The following ARID3A variants were observed in gnomAD, a reference collection of about 807,000 sequenced individuals.
The protein encoded by ARID3A is AT-rich interaction domain 3A, also known as AT-rich interactive domain-containing protein 3A.
In ARID3A, 11 loss-of-function variants were observed where a neutral mutation model predicts 52.7. The observed-to-expected ratio is 0.21, with a 90% CI of 0.13 to 0.35. The LOEUF (loss-of-function observed/expected upper bound fraction) is 0.35. Among genes scored for constraint, ARID3A ranks in the 10% least tolerant of loss-of-function variants. The pLI, the probability that ARID3A is intolerant of heterozygous loss-of-function variation, is 1.00. For missense variants in ARID3A, 721 were observed against 838.5 expected, an observed-to-expected ratio of 0.86 and a Z score of 1.73; for synonymous variants, 404 against 359.4, an observed-to-expected ratio of 1.12 and a Z score of -1.40.
At chr19:965,735 T>TA (rs1410948185) in intron 6 of ARID3A, among the ~76,000 whole-genome samples, 1 of 152,016 alleles carries the variant, frequency 6.6e-6, no homozygotes, top group Non-Finnish European at 1.5e-5. Flanking sequence ...CTCACGCCTG[T>TA]AGTCCCAGCA....
Position 942,249 on chromosome 19 carries a change from G to A in ARID3A, c.693+9507G>A, listed in dbSNP as rs1243406298. ...CCTCAGTTTCCCTGCTGGACACAAA[G>A]GGCTGAAGTCCAGGTCCCTTCGATG... is the stretch of plus-strand genomic sequence containing the variant. On this transcript the variant is annotated intron_variant, in intron 3 of 8. Transcript: ENST00000263620. This position sits in a 1 kb window ranked among gnomAD's most constrained non-coding sequence, Gnocchi z 8.1. 1.3e-5 allele frequency among the ~76,000 whole-genome samples: 2 copies of A among 152,166 alleles called. No individual in the cohort carries two copies. The highest frequency in any genetic ancestry group is 2.4e-5 in the African/African-American group (1 of 41,452).
At position 931,379 on chromosome 19, in the gene ARID3A, G is replaced by A. The variant is rs1265619824; in HGVS notation, c.369-1039G>A. On this transcript the variant is annotated intron_variant, in intron 2 of 8. Transcript: ENST00000263620. ...GAGGAGGAGAATCGCTTGAACCTGG[G>A]AGGCAGAGGTTGCAGTGAGCCGAGA... 2.7e-5 allele frequency among the ~76,000 whole-genome samples: 4 copies of A among 148,714 alleles called. No individual in the cohort carries two copies. The South Asian group carries it at 6.4e-4, about 24-fold the overall frequency.
At position 975,346 on chromosome 19, in the gene ARID3A, C is replaced by T. The variant is rs1052114104; in HGVS notation, c.*3281C>T. The stretch of plus-strand genomic sequence containing the variant: ...ACCCGTAAGTGGCTGTCCAGAAAGG[C>T]GGGAGGGTGGGCACGGGGCACGGGG... On this transcript the variant is annotated 3_prime_UTR_variant, in exon 9 of 9. Transcript: ENST00000263620. The T allele has an allele frequency of 1.7e-4, 24 of 142,178 alleles. No homozygotes were observed. Among genetic ancestry groups the T allele is most frequent in the African/African-American group, 2.3e-4 (9 of 39,466 alleles). The allele number at this position is 142,178 out of a possible 1,614,324, so 8.8% of individuals were successfully genotyped here.
At position 964,517 on chromosome 19, in the gene ARID3A, T is replaced by C. The variant is rs1009556588; in HGVS notation, c.950+86T>C. ...GGCCTGCAGAAGAGGGAGGGGGTGG[T>C]GGGCAGCTGCAGAGGAGGGGGCAGT... On this transcript the variant is annotated intron_variant, in intron 5 of 8. Coordinates refer to ENST00000263620, the MANE Select transcript of ARID3A (RefSeq NM_005224.3). The surrounding 1 kb of genome is among the most constrained non-coding windows in gnomAD (Gnocchi z 5.7). 6.2e-6 allele frequency: 9 copies of C among 1,452,942 alleles called. No individual in the cohort carries two copies. The highest frequency in any genetic ancestry group is 1.4e-5 in the African/African-American group (1 of 70,726). 90.0% of individuals were successfully genotyped at this position (1,452,942 alleles called of 1,614,324 possible). A position where few individuals can be genotyped will look rare whatever the true frequency, so the allele number is the denominator to read the frequency against.
intron 3 of ARID3A, among the ~76,000 whole-genome samples, chr19:946,077 G>T (rs928883176): frequency 8.5e-5 from 13 of 152,118 alleles, no homozygotes; most frequent in African/African-American, 2.9e-4. Flanking sequence ...GGGGCCCGGC[G>T]TCCAGGTGGG....
intron 1 of ARID3A, among the ~76,000 whole-genome samples, chr19:926,864 G>C (rs2037210916): frequency 6.6e-5 from 10 of 151,882 alleles, no homozygotes. Context: ...CCGTTTTTAG[G>C]CGCTCGGGCT....
At chr19:943,198 C>T (rs1049326909) in intron 3 of ARID3A, among the ~76,000 whole-genome samples, 5 of 149,878 alleles carry the variant, frequency 3.3e-5, no homozygotes, top group Non-Finnish European at 7.4e-5. Context: ...GAAGTCGAGG[C>T]TGTAGTGAGC....
rs1233612320 is a variant in ARID3A, at chr19:938,368, C to A, written c.693+5626C>A. 3.9e-5 allele frequency among the ~76,000 whole-genome samples: 6 copies of A among 152,204 alleles called. No individual in the cohort carries two copies. The highest frequency in any genetic ancestry group is 1.4e-4 in the African/African-American group (6 of 41,452). On this transcript the variant is annotated intron_variant, in intron 3 of 8. Coordinates refer to ENST00000263620, the MANE Select transcript of ARID3A (RefSeq NM_005224.3). This position sits in a 1 kb window ranked among gnomAD's most constrained non-coding sequence, Gnocchi z 4.0. ...ACTGAGTGTTTTAGATGGGTCGTCT[C>A]CCAGATCCTCACTGGATCCCAAGGA...
intron 6 of ARID3A, 104 bp from the exon 7 acceptor site, chr19:966,458 CAAAAAAAAAA>C: frequency 2.9e-6 from 2 of 685,860 alleles, no homozygotes; most frequent in Non-Finnish European, 4.1e-6. Flanking sequence ...AACTCCGTCT[CAAAAAAAAAA>C]AAAAAAAGAA....
upstream of ARID3A, chr19:925,803 C>T (rs1299344568): frequency 6.6e-6 from 1 of 152,188 alleles, no homozygotes; most frequent in Non-Finnish European, 1.5e-5. Flanking sequence ...CCCAGCGCCC[C>T]CGGGCTGGTT....
rs539075531 is a variant in ARID3A at position 950,080 on chromosome 19, G to A, written c.694-10012G>A. Among the ~76,000 whole-genome samples the A allele has an allele frequency of 7.9e-5, 10 of 126,004 alleles. No individual in the cohort carries two copies. The South Asian group carries it at 2.8e-3, about 35-fold the overall frequency. The allele number at this position is 126,004 out of a possible 152,430, so 82.7% of individuals were successfully genotyped here. A position where few individuals can be genotyped will look rare whatever the true frequency, so the allele number is the denominator to read the frequency against. On this transcript the variant is annotated intron_variant, in intron 3 of 8. Transcript: ENST00000263620. ...CCAGAGTGAACGGATGGATGAGGCC[G>A]TCCCCAGAGTGAACGGATGGATGAG...
chr19:973,728 T>C lies in ARID3A; in HGVS notation c.*1663T>C, dbSNP rs538779557. 8.8e-6 allele frequency: 2 copies of C among 227,952 alleles called. No individual in the cohort carries two copies. The highest frequency in any genetic ancestry group is 4.4e-5 in the African/African-American group (2 of 45,060). The allele number at this position is 227,952 out of a possible 1,614,324, so 14.1% of individuals were successfully genotyped here. On this transcript the variant is annotated 3_prime_UTR_variant, in exon 9 of 9. Coordinates refer to ENST00000263620, the MANE Select transcript of ARID3A (RefSeq NM_005224.3). ...TGCTGGGGCTGCGAGCTCCCCGAGT[T>C]CTGCGGTGACTAAATCGAGGCCGAG...
chr19:966,973 A>C, intron 7 of ARID3A, 105 bp downstream of exon 7: 1 of 1,355,150 alleles, frequency 7.4e-7, no homozygotes, highest in South Asian at 1.7e-5. Flanking sequence ...ATAAGAAAAA[A>C]AAAGCCGGGT....
At chr19:927,845 G>A (rs541652251) in intron 1 of ARID3A, among the ~76,000 whole-genome samples, 15 of 152,176 alleles carry the variant, frequency 9.9e-5, no homozygotes, top group African/African-American at 3.6e-4. Context: ...ATGGAACAGA[G>A]GCTATTTTGG....
At chr19:957,530 C>G (rs1456749709) in intron 3 of ARID3A, among the ~76,000 whole-genome samples, 5 of 152,172 alleles carry the variant, frequency 3.3e-5, no homozygotes, top group Non-Finnish European at 2.9e-5. Context: ...AGGCACTGTC[C>G]TAGGGTAAAT....
At chr19:943,617 G>T (rs2037605682) in intron 3 of ARID3A, among the ~76,000 whole-genome samples, 5 of 152,150 alleles carry the variant, frequency 3.3e-5, no homozygotes, top group Admixed American at 3.3e-4. Context: ...GACACGTAGG[G>T]AGATAGCTGT....
intron 1 of ARID3A, among the ~76,000 whole-genome samples, chr19:927,874 T>G (rs2037234303): frequency 6.6e-6 from 1 of 151,508 alleles, no homozygotes; most frequent in South Asian, 2.1e-4. Context: ...CTCCTCGCTT[T>G]CTCCCAGGGG....
chr19:949,532 ACTCCTGGCCTCAAGCCATC>A (rs2037761513), intron 3 of ARID3A, among the ~76,000 whole-genome samples: 1 of 150,298 alleles, frequency 6.7e-6, no homozygotes, highest in African/African-American at 2.5e-5. Flanking sequence ...TCTTCCTCCA[ACTCCTGGCCTCAAGCCATC>A]CTCCTGCCTC....
chr19:972,018 G>A lies in ARID3A; in HGVS notation c.1735G>A (p.Gly579Arg). ...CAGCGGCGGCCAGGCTGGGCCAGCG[G>A]GGCTGTCCACACCCTCCACATCTAC... Reference protein sequence around the residue: ...GTSGGQAGPAGLSTPSTSTSN... With the variant: ...GTSGGQAGPARLSTPSTSTSN... The change falls in exon 9 of 9, where the codon GGG becomes AGG. Residue 579 changes from glycine to arginine, a missense_variant. Coordinates refer to ENST00000263620, the MANE Select transcript of ARID3A (RefSeq NM_005224.3). 2.5e-6 allele frequency: 4 copies of A among 1,597,144 alleles called. No individual in the cohort carries two copies. The highest frequency in any genetic ancestry group is 3.4e-6 in the Non-Finnish European group (4 of 1,172,862).
Sources: allele counts gnomAD v4.1 joint callset (sites outside exome capture counted in the v4.1 genomes callset), GRCh38; gene constraint gnomAD v4.1.1; non-coding constraint Gnocchi (gnomAD v3.1); transcripts MANE v1.5; gene names NCBI Gene and HGNC (gene_info 2026-07-23, HGNC 2026-07-21).